UTRN: variants seen among roughly 807,000 people sequenced by gnomAD.
UTRN encodes dystrophin-related protein 1.
Under a neutral mutation model 463.9 loss-of-function variants are expected in UTRN, and 283 were observed. The ratio of observed to expected loss-of-function variants is 0.61; its 90% CI spans 0.55 to 0.67. The LOEUF (loss-of-function observed/expected upper bound fraction) is 0.67. Ranked by LOEUF, UTRN falls within the 30% of genes least tolerant of loss-of-function variation. UTRN has a pLI of 0.00. For synonymous variants in UTRN, 1,442 were observed against 1,431.5 expected (o/e 1.01, Z -0.17); for missense variants, 3,922 against 4,084.3 (o/e 0.96, Z 1.08).
At chr6:144,379,845 TAGTAA>T (rs904124440) in intron 2 of UTRN, among the ~76,000 whole-genome samples, 3 of 152,216 alleles carry the variant, frequency 2.0e-5, no homozygotes, top group African/African-American at 7.2e-5. Flanking sequence ...CGTGACCACT[TAGTAA>T]AAGTGTGAAG....
intron 51 of UTRN, among the ~76,000 whole-genome samples, chr6:144,601,625 G>C (rs1585501404): frequency 6.6e-6 from 1 of 152,208 alleles, no homozygotes; most frequent in East Asian, 1.9e-4. Flanking sequence ...TACTCCTGGT[G>C]AAGATGCTAT....
intron 18 of UTRN, among the ~76,000 whole-genome samples, chr6:144,452,927 G>A (rs981942649): frequency 8.1e-5 from 12 of 148,274 alleles, no homozygotes; most frequent in African/African-American, 3.0e-4. Context: ...GGGTGACAGA[G>A]TGACAACCTG....
rs529846975 is a variant in UTRN, at chr6:144,633,089, A to G, written c.7480-45317A>G. Among the ~76,000 whole-genome samples the G allele has an allele frequency of 7.9e-5, 12 of 152,338 alleles. No homozygotes were observed. The East Asian group carries it at 2.1e-3, about 27-fold the overall frequency. On this transcript the variant is annotated intron_variant, in intron 51 of 74. Coordinates refer to ENST00000367545, the MANE Select transcript of UTRN (RefSeq NM_007124.3). ...ATTTGGCATAATTTAGTATTTTGCC[A>G]GTGCTTCATTGCTTATGTGCAATGA...
At chr6:144,695,088 T>A (rs1398566981) in intron 52 of UTRN, among the ~76,000 whole-genome samples, 2 of 152,086 alleles carry the variant, frequency 1.3e-5, no homozygotes, top group African/African-American at 4.8e-5. Flanking sequence ...CTAAAGTTGA[T>A]ATTAAAGTTT....
chr6:144,539,915 C>T (rs937168672), intron 45 of UTRN, among the ~76,000 whole-genome samples: 5 of 151,780 alleles, frequency 3.3e-5, no homozygotes, highest in African/African-American at 9.7e-5. Flanking sequence ...TAGTGGCACA[C>T]GCCTGTAATC....
At chr6:144,451,622 T>C in intron 18 of UTRN, 129 bp downstream of exon 18, 1 of 1,091,486 alleles carries the variant, frequency 9.2e-7, no homozygotes, top group South Asian at 1.9e-5. Context: ...AGGTAGCTTT[T>C]AGTACATTGT....
rs144380353 is a variant in UTRN, at chr6:144,601,082, G to T, written c.7479+23794G>T. Among the ~76,000 whole-genome samples the T allele has an allele frequency of 3.7e-3, 558 of 152,280 alleles. 3 individuals are homozygous for T. Among genetic ancestry groups the T allele is most frequent in the African/African-American group, 0.013 (524 of 41,564 alleles). ...TTGAGACCTACTGCTCAGAAAAAAAGATTCTTTTCAAAATATTACTGCTAT... is the reference window on the plus strand; with the variant it reads ...TTGAGACCTACTGCTCAGAAAAAAATATTCTTTTCAAAATATTACTGCTAT... On this transcript the variant is annotated intron_variant, in intron 51 of 74. Transcript: ENST00000367545.
rs777624747 is a variant in UTRN, at chr6:144,557,211, G to A, written c.7189G>A (p.Val2397Ile). ...GDGIVMAFDN[V>I]LQKLLEEYGS... ...TGGTATCGTCATGGCGTTCGATAAC[G>A]TCCTGCAGAAACTCCTGGAGGAATA... is the stretch of plus-strand genomic sequence containing the variant. The change falls in exon 50 of 75, where the codon GTC becomes ATC. Residue 2397 changes from valine to isoleucine, a missense_variant. Transcript: ENST00000367545. 3.1e-5 allele frequency: 50 copies of A among 1,613,816 alleles called. No individual in the cohort carries two copies. Among genetic ancestry groups the A allele is most frequent in the South Asian group, 9.9e-5 (9 of 91,070 alleles).
At position 144,487,478 on chromosome 6, in the gene UTRN, T is replaced by C. The variant is rs1181163835; in HGVS notation, c.3823-70T>C. On this transcript the variant is annotated intron_variant, in intron 28 of 74. Coordinates refer to ENST00000367545, the MANE Select transcript of UTRN (RefSeq NM_007124.3). ...TAATTACTTGTTTAACAAATAGACA[T>C]TTTGGGGATCCTTGATACCTTTTGC... 4 of 1,396,816 alleles carry C rather than the reference T, an allele frequency of 2.9e-6. No individual in the cohort carries two copies. The African/African-American group carries it at 5.8e-5, about 20-fold the overall frequency. 86.5% of individuals were successfully genotyped at this position (1,396,816 alleles called of 1,614,324 possible). A position where few individuals can be genotyped will look rare whatever the true frequency, so the allele number is the denominator to read the frequency against.
At chr6:144,512,980 C>T (rs984749301) in intron 35 of UTRN, among the ~76,000 whole-genome samples, 13 of 152,310 alleles carry the variant, frequency 8.5e-5, no homozygotes, top group Non-Finnish European at 1.3e-4. Flanking sequence ...TCATAAGTCT[C>T]GTTACCCTTT....
At chr6:144,780,701 G>T (rs983774158) in intron 60 of UTRN, among the ~76,000 whole-genome samples, 2 of 152,142 alleles carry the variant, frequency 1.3e-5, no homozygotes, top group African/African-American at 4.8e-5. Context: ...GGCCTTTGCG[G>T]GCCTCCCCTT....
chr6:144,528,504 C>T (rs1290189250), intron 41 of UTRN, among the ~76,000 whole-genome samples: 2 of 152,212 alleles, frequency 1.3e-5, no homozygotes, highest in African/African-American at 2.4e-5. Context: ...ATGTAGTGCT[C>T]TCCTCCTTCC....
intron 51 of UTRN, among the ~76,000 whole-genome samples, chr6:144,654,857 C>G (rs1212682454): frequency 1.3e-5 from 2 of 152,214 alleles, no homozygotes. Context: ...ACTCCTGCAC[C>G]TGGTTGGCTA....
intron 25 of UTRN, among the ~76,000 whole-genome samples, chr6:144,478,827 T>C (rs947440371): frequency 2.6e-5 from 4 of 152,124 alleles, no homozygotes; most frequent in Non-Finnish European, 5.9e-5. Context: ...ACAGTAGAAG[T>C]CAGTTTGTCG....
intron 53 of UTRN, among the ~76,000 whole-genome samples, chr6:144,706,502 A>C (rs146524761): frequency 0.034 from 5,186 of 152,044 alleles, 112 homozygotes; most frequent in African/African-American, 0.043. Flanking sequence ...TTATTTTTTA[A>C]GGAAAAATAA....
At chr6:144,331,006 C>G in intron 2 of UTRN, 1 of 985,342 alleles carries the variant, frequency 1.0e-6, no homozygotes, top group Non-Finnish European at 1.2e-6. Context: ...AGACGGCAGA[C>G]AGTCACAGGC....
At chr6:144,650,786 G>C (rs1302026140) in intron 51 of UTRN, among the ~76,000 whole-genome samples, 1 of 152,112 alleles carries the variant, frequency 6.6e-6, no homozygotes, top group Non-Finnish European at 1.5e-5. Context: ...GCACGAGCCT[G>C]TAATCCCAGC....
intron 69 of UTRN, among the ~76,000 whole-genome samples, chr6:144,830,281 C>G (rs967450254): frequency 1.2e-4 from 19 of 152,074 alleles, no homozygotes; most frequent in African/African-American, 4.1e-4. Context: ...AGAAGATTAA[C>G]AGTCAGATAC....
chr6:144,690,507 G>A (rs1292015612), intron 52 of UTRN, among the ~76,000 whole-genome samples: 1 of 152,128 alleles, frequency 6.6e-6, no homozygotes, highest in Admixed American at 6.6e-5. Context: ...TTCAGGCCAT[G>A]CCCATCCTCA....
Sources: allele counts gnomAD v4.1 joint callset (sites outside exome capture counted in the v4.1 genomes callset), GRCh38; gene constraint gnomAD v4.1.1; transcripts MANE v1.5; gene names NCBI Gene and HGNC (gene_info 2026-07-23, HGNC 2026-07-21).